The following PCDH15 variants were observed in gnomAD, a reference collection of about 807,000 sequenced individuals.
PCDH15 encodes the protein protocadherin-15.
A neutral mutation model predicts 178.5 loss-of-function variants in PCDH15; 129 were observed. That is an observed-to-expected ratio of 0.72 (90% CI 0.63 to 0.84). PCDH15 has a LOEUF of 0.84. PCDH15 is among the 40% of genes least tolerant of loss of function. The probability of loss-of-function intolerance (pLI) is 0.00; values close to 1 mark genes in which losing one functional copy is unlikely to be tolerated. For missense variants in PCDH15, 2,230 were observed against 2,099.9 expected (o/e 1.06, Z -1.21); for synonymous variants, 800 against 732.0 (o/e 1.09, Z -1.50).
chr10:54,913,112 G>C (rs541116359), intron 2 of PCDH15, among the ~76,000 whole-genome samples: 3 of 152,340 alleles, frequency 2.0e-5, no homozygotes, highest in African/African-American at 7.2e-5. Context: ...TTCTGGGGAT[G>C]AACCCTTTAA....
intron 26 of PCDH15, among the ~76,000 whole-genome samples, chr10:53,870,365 G>C (rs1050911404): frequency 6.6e-6 from 1 of 151,844 alleles, no homozygotes; most frequent in African/African-American, 2.4e-5. Flanking sequence ...TCAAGAATGA[G>C]ATAAAAGTTT....
At chr10:54,091,869 C>G (rs969669603) in intron 15 of PCDH15, among the ~76,000 whole-genome samples, 1 of 152,076 alleles carries the variant, frequency 6.6e-6, no homozygotes. Flanking sequence ...ATTTAGTCAA[C>G]TCATTCAACA....
At chr10:54,296,079 A>G (rs1336398986) in intron 8 of PCDH15, among the ~76,000 whole-genome samples, 1 of 132,386 alleles carries the variant, frequency 7.6e-6, no homozygotes, top group Admixed American at 8.7e-5. Context: ...CGGGAGGCGG[A>G]GCTTGCAGGG....
intron 2 of PCDH15, among the ~76,000 whole-genome samples, chr10:54,541,011 A>G (rs997356788): frequency 1.3e-5 from 2 of 152,148 alleles, no homozygotes; most frequent in Non-Finnish European, 2.9e-5. Flanking sequence ...ACATATCTCA[A>G]AATAATAGGA....
At chr10:53,827,291 A>C (rs938760677) in intron 32 of PCDH15, 102 bp downstream of exon 32, 9 of 1,339,408 alleles carry the variant, frequency 6.7e-6, no homozygotes, top group Non-Finnish European at 2.9e-6. Flanking sequence ...TAAAATAAAT[A>C]GTCCATGTAG....
intron 2 of PCDH15, among the ~76,000 whole-genome samples, chr10:55,544,247 A>C (rs184768832): frequency 6.7e-6 from 1 of 148,508 alleles, no homozygotes; most frequent in East Asian, 2.0e-4. Flanking sequence ...GATAGAAATT[A>C]TGAAATTATG....
At chr10:55,052,158 G>A (rs1156742618) in intron 2 of PCDH15, among the ~76,000 whole-genome samples, 2 of 150,188 alleles carry the variant, frequency 1.3e-5, no homozygotes, top group African/African-American at 4.9e-5. Context: ...TTGGATCTCC[G>A]CTCACTGCAA....
chr10:54,520,142 C>G (rs539997324), intron 3 of PCDH15, among the ~76,000 whole-genome samples: 2 of 152,268 alleles, frequency 1.3e-5, no homozygotes, highest in African/African-American at 4.8e-5. Flanking sequence ...CCATTCAGGA[C>G]ATAGTCATGG....
intron 3 of PCDH15, among the ~76,000 whole-genome samples, chr10:54,448,511 A>G (rs1387465947): frequency 1.3e-5 from 2 of 151,746 alleles, no homozygotes; most frequent in East Asian, 1.9e-4. Flanking sequence ...AATTCCCTCC[A>G]TCTCCTCCTA....
At chr10:54,089,713 A>T (rs116510370) in intron 16 of PCDH15, among the ~76,000 whole-genome samples, 1 of 152,318 alleles carries the variant, frequency 6.6e-6, no homozygotes, top group African/African-American at 2.4e-5. Flanking sequence ...AGCTGACAAC[A>T]TTAAAAGGAT....
At chr10:54,667,630 T>C (rs762488100) in intron 1 of PCDH15, among the ~76,000 whole-genome samples, 5 of 152,022 alleles carry the variant, frequency 3.3e-5, no homozygotes, top group Admixed American at 1.3e-4. Flanking sequence ...AAACAACACC[T>C]CTATGGTGGT....
chr10:54,316,516 C>T (rs2061275903), intron 8 of PCDH15, among the ~76,000 whole-genome samples: 1 of 150,432 alleles, frequency 6.6e-6, no homozygotes, highest in Non-Finnish European at 1.5e-5. Context: ...TTTTTAAAAA[C>T]AGAATATGTG....
Position 54,424,235 on chromosome 10 carries a change from T to C in PCDH15, c.158-45293A>G, listed in dbSNP as rs374728957. 1.5e-4 allele frequency among the ~76,000 whole-genome samples: 23 copies of C among 152,042 alleles called. 1 individual carries two copies. In the South Asian group the frequency reaches 1.7e-3, roughly 11 times the overall value. On this transcript the variant is annotated intron_variant, in intron 3 of 37. Transcript: ENST00000644397. ...GACACTTCTCAAAAGAAGACATTTA[T>C]GCAGTCAACAGACACATGAAAAAAT...
At chr10:54,133,152 G>GA (rs1481304764) in intron 14 of PCDH15, 145 bp from the exon 15 acceptor site, 1 of 965,708 alleles carries the variant, frequency 1.0e-6, no homozygotes, top group East Asian at 2.6e-5. Flanking sequence ...TGAAAGGATA[G>GA]AAAAAACTAC....
intron 8 of PCDH15, among the ~76,000 whole-genome samples, chr10:54,302,435 T>C (rs2060199596): frequency 6.6e-6 from 1 of 152,102 alleles, no homozygotes; most frequent in South Asian, 2.1e-4. Context: ...AAGATGGCGG[T>C]ATTAGAAGGT....
intron 1 of PCDH15, among the ~76,000 whole-genome samples, chr10:54,780,991 G>A (rs1263562981): frequency 5.3e-5 from 8 of 152,046 alleles, no homozygotes; most frequent in Admixed American, 4.6e-4. Context: ...ACAGCCTATG[G>A]TAAGGGATAA....
chr10:53,817,585 G>A (rs532327166), intron 34 of PCDH15, among the ~76,000 whole-genome samples: 1 of 134,950 alleles, frequency 7.4e-6, no homozygotes, highest in African/African-American at 2.8e-5. Context: ...GCAGTGGCCT[G>A]ATCTTGGCTC....
intron 1 of PCDH15, among the ~76,000 whole-genome samples, chr10:55,231,596 A>G (rs1841225845): frequency 6.6e-6 from 1 of 152,064 alleles, no homozygotes; most frequent in South Asian, 2.1e-4. Flanking sequence ...GCAAATTTCC[A>G]TTAAGGATAG....
chr10:55,424,451 A>G (rs1838701994), intron 2 of PCDH15, among the ~76,000 whole-genome samples: 1 of 152,108 alleles, frequency 6.6e-6, no homozygotes, highest in Non-Finnish European at 1.5e-5. Flanking sequence ...GGTCTCACAT[A>G]TTGCAAATAT....
Sources: allele counts gnomAD v4.1 joint callset (sites outside exome capture counted in the v4.1 genomes callset), GRCh38; gene constraint gnomAD v4.1.1; transcripts MANE v1.5; gene names NCBI Gene and HGNC (gene_info 2026-07-23, HGNC 2026-07-21).